Variants in SYNJ1 observed in about 807,000 individuals in gnomAD.
SYNJ1 encodes the protein polyphosphatidylinositol phosphatase SYNJ1.
SYNJ1 carries 78 observed loss-of-function variants against 168.2 expected under a neutral mutation model. The ratio of observed to expected loss-of-function variants is 0.46; its 90% CI spans 0.39 to 0.56. The LOEUF (loss-of-function observed/expected upper bound fraction) is 0.56. Ranked by LOEUF, SYNJ1 falls within the 20% of genes least tolerant of loss-of-function variation. The pLI, the probability that SYNJ1 is intolerant of heterozygous loss-of-function variation, is 0.00. For missense variants in SYNJ1, 1,303 were observed against 1,597.6 expected (o/e 0.82, Z 3.14); for synonymous variants, 539 against 548.6 (o/e 0.98, Z 0.24).
intron 2 of SYNJ1, among the ~76,000 whole-genome samples, chr21:32,717,563 T>C (rs1387821949): frequency 7.2e-5 from 11 of 152,206 alleles, no homozygotes; most frequent in Non-Finnish European, 5.9e-5. Flanking sequence ...ACTTTGCCCC[T>C]TTACTGAAGC....
intron 11 of SYNJ1, among the ~76,000 whole-genome samples, chr21:32,681,155 A>T (rs979652230): frequency 6.6e-6 from 1 of 152,226 alleles, no homozygotes; most frequent in Non-Finnish European, 1.5e-5. Flanking sequence ...TTTAAAAATC[A>T]TATTTGTAAT....
At chr21:32,708,127 T>C (rs2042681286) in intron 2 of SYNJ1, among the ~76,000 whole-genome samples, 2 of 152,212 alleles carry the variant, frequency 1.3e-5, no homozygotes, top group East Asian at 1.9e-4. Flanking sequence ...CAAATGTGTA[T>C]GCCTGTGGCA....
intron 2 of SYNJ1, among the ~76,000 whole-genome samples, chr21:32,720,364 CA>C (rs1393801599): frequency 2.0e-5 from 3 of 152,180 alleles, no homozygotes; most frequent in African/African-American, 7.2e-5. Flanking sequence ...AAGTGGTAGC[CA>C]TTATCATTTC....
At chr21:32,676,504 G>C (rs111979656) in intron 12 of SYNJ1, 149 bp from the exon 13 acceptor site, 3 of 643,396 alleles carry the variant, frequency 4.7e-6, no homozygotes, top group African/African-American at 3.8e-5. Flanking sequence ...AGAACACCAA[G>C]TGTTACAAAT....
intron 21 of SYNJ1, 37 bp downstream of exon 21, chr21:32,656,650 T>C (rs752524147): frequency 1.3e-6 from 2 of 1,541,454 alleles, no homozygotes; most frequent in African/African-American, 1.4e-5. Context: ...TGATTGTTTA[T>C]GAATCACAAG....
intron 29 of SYNJ1, among the ~76,000 whole-genome samples, chr21:32,640,517 G>A (rs999973347): frequency 2.0e-5 from 3 of 151,988 alleles, no homozygotes; most frequent in South Asian, 2.1e-4. Context: ...GGATGGTCTC[G>A]ATCTCCTGAC....
intron 15 of SYNJ1, among the ~76,000 whole-genome samples, chr21:32,668,009 A>ATATG (rs1341207063): frequency 2.1e-5 from 3 of 143,902 alleles, no homozygotes; most frequent in Non-Finnish European, 4.5e-5. Context: ...AAGAATATAT[A>ATATG]TGTGTGTGTG....
chr21:32,688,734 C>A (rs1288356790), intron 6 of SYNJ1, among the ~76,000 whole-genome samples: 9 of 152,130 alleles, frequency 5.9e-5, no homozygotes, highest in Admixed American at 5.2e-4. Flanking sequence ...ATTAAAAAAA[C>A]CAAAATACCA....
At chr21:32,695,385 A>C in intron 4 of SYNJ1, 103 bp from the exon 5 acceptor site, 1 of 1,114,144 alleles carries the variant, frequency 9.0e-7, no homozygotes, top group South Asian at 1.7e-5. Flanking sequence ...TATTAAATTT[A>C]AAGGCACAAA....
chr21:32,650,666 T>C (rs1343354235), intron 22 of SYNJ1, among the ~76,000 whole-genome samples: 2 of 152,228 alleles, frequency 1.3e-5, no homozygotes, highest in Admixed American at 6.5e-5. Context: ...TACATAACTT[T>C]ATACTTTCTT....
chr21:32,728,026 C>T, upstream of SYNJ1: 1 of 1,535,402 alleles, frequency 6.5e-7, no homozygotes, highest in Admixed American at 2.0e-5. Flanking sequence ...TCCAGCAGGC[C>T]CATCTCTTCC....
At chr21:32,721,404 C>T (rs752316473) in intron 2 of SYNJ1, among the ~76,000 whole-genome samples, 3 of 152,156 alleles carry the variant, frequency 2.0e-5, no homozygotes, top group Non-Finnish European at 2.9e-5. Flanking sequence ...GAAGGCCAGG[C>T]GTGGTGGCTC....
At position 32,699,957 on chromosome 21, in the gene SYNJ1, C is replaced by T; in HGVS notation, c.360G>A (p.Arg120=). The change falls in exon 4 of 33, where the codon CGG becomes CGA. Residue 120 remains arginine (R), a synonymous_variant. Transcript: ENST00000674351. ...SSDEDRISEV[R]KVLNSGNFYF... Reference sequence around the variant, plus strand: ...AAAAGTTTCCTGAATTCAAAACTTTCCGCACTTCTGAAATGCGATCCTCAT... The same window carrying T: ...AAAAGTTTCCTGAATTCAAAACTTTTCGCACTTCTGAAATGCGATCCTCAT... 1 of 1,614,168 alleles carries T rather than the reference C, an allele frequency of 6.2e-7. No homozygotes were observed. Among genetic ancestry groups the T allele is most frequent in the Non-Finnish European group, 8.5e-7 (1 of 1,180,032 alleles).
chr21:32,689,015 A>G (rs1026815978), intron 6 of SYNJ1, among the ~76,000 whole-genome samples: 9 of 152,200 alleles, frequency 5.9e-5, no homozygotes, highest in Admixed American at 5.9e-4. Context: ...AGAATCAGGA[A>G]TTTTGGGTTA....
At chr21:32,675,775 C>T (rs2041383202) in intron 13 of SYNJ1, among the ~76,000 whole-genome samples, 1 of 152,198 alleles carries the variant, frequency 6.6e-6, no homozygotes, top group Admixed American at 6.5e-5. Context: ...GTCTCACACA[C>T]TTAACTATTC....
At chr21:32,640,665 G>A (rs1409317827) in intron 29 of SYNJ1, among the ~76,000 whole-genome samples, 5 of 151,882 alleles carry the variant, frequency 3.3e-5, no homozygotes, top group Admixed American at 3.3e-4. Flanking sequence ...GGGTTCAAGC[G>A]ATCTTTCCAA....
chr21:32,706,967 C>A (rs1035739457), intron 2 of SYNJ1, among the ~76,000 whole-genome samples: 13 of 152,114 alleles, frequency 8.5e-5, no homozygotes, highest in Non-Finnish European at 1.6e-4. Flanking sequence ...ATTTTACAAT[C>A]ATCACCATCA....
At chr21:32,728,125 G>C, upstream of SYNJ1, 1 of 1,418,974 alleles carries the variant, frequency 7.0e-7, no homozygotes, top group Non-Finnish European at 9.2e-7. Context: ...ACTCTGCGCC[G>C]ACCGGCTGGG....
chr21:32,636,118 G>C (rs2039555691), intron 31 of SYNJ1, among the ~76,000 whole-genome samples: 2 of 152,150 alleles, frequency 1.3e-5, no homozygotes, highest in Admixed American at 6.5e-5. Context: ...GGTTTATACT[G>C]AGAGGTACAA....
Sources: allele counts gnomAD v4.1 joint callset (sites outside exome capture counted in the v4.1 genomes callset), GRCh38; gene constraint gnomAD v4.1.1; transcripts MANE v1.5; gene names NCBI Gene and HGNC (gene_info 2026-07-23, HGNC 2026-07-21).